PPARGC1A: variants seen among roughly 807,000 people sequenced by gnomAD.
PPARGC1A encodes peroxisome proliferator-activated receptor gamma coactivator 1-alpha.
A neutral mutation model predicts 88.7 loss-of-function variants in PPARGC1A; 25 were observed. The observed-to-expected ratio is 0.28, with a 90% CI of 0.21 to 0.39. PPARGC1A has a LOEUF of 0.39. PPARGC1A is among the 10% of genes least tolerant of loss of function. The pLI is 1.00. For missense variants in PPARGC1A, 880 were observed against 968.7 expected, an observed-to-expected ratio of 0.91 and a Z score of 1.22; for synonymous variants, 363 against 355.6, an observed-to-expected ratio of 1.02 and a Z score of -0.24.
At chr4:24,369,050 G>C in the PPARGC1A span, among the ~76,000 whole-genome samples, 2 of 152,110 alleles carry the variant, frequency 1.3e-5, no homozygotes, top group African/African-American at 4.8e-5. Flanking sequence ...ATTTCAGAAG[G>C]GGACTGAAGC....
chr4:24,320,770 C>T, the PPARGC1A span, among the ~76,000 whole-genome samples: 3 of 152,266 alleles, frequency 2.0e-5, no homozygotes, highest in East Asian at 1.9e-4. Flanking sequence ...CTTACAGATT[C>T]GATTCACGAG....
chr4:24,085,564 T>C, the PPARGC1A span, among the ~76,000 whole-genome samples: 1 of 152,184 alleles, frequency 6.6e-6, no homozygotes, highest in African/African-American at 2.4e-5. Context: ...ATGTACTGCC[T>C]CTATTGAGAG....
rs1389767066 is a variant in PPARGC1A at position 23,824,515 on chromosome 4, A to G, written c.758-7T>C. ...GATAAAGTTGTTGGTTTGGCTAAAGAAAAAAAAAAGAAACTAATTATGTAA... is the reference window on the plus strand; with the variant it reads ...GATAAAGTTGTTGGTTTGGCTAAAGGAAAAAAAAAGAAACTAATTATGTAA... On this transcript the variant is annotated splice_region_variant and splice_polypyrimidine_tract_variant and intron_variant, in intron 5 of 12. Coordinates refer to ENST00000264867, the MANE Select transcript of PPARGC1A (RefSeq NM_013261.5). 1 of 1,495,010 alleles carries G rather than the reference A, an allele frequency of 6.7e-7. No homozygotes were observed. The highest frequency in any genetic ancestry group is 2.3e-5 in the East Asian group (1 of 43,062). The allele number at this position is 1,495,010 out of a possible 1,614,324, so 92.6% of individuals were successfully genotyped here.
chr4:24,248,098 A>G, the PPARGC1A span, among the ~76,000 whole-genome samples: 1 of 152,120 alleles, frequency 6.6e-6, no homozygotes, highest in Non-Finnish European at 1.5e-5. Flanking sequence ...CCAAAACCCA[A>G]GAGAACCCTG....
chr4:24,200,655 C>CA, the PPARGC1A span, among the ~76,000 whole-genome samples: 91 of 88,354 alleles, frequency 1.0e-3, 6 homozygotes, highest in Non-Finnish European at 1.4e-3. Flanking sequence ...ATTTATTAAG[C>CA]AAAAAAAAAA....
At chr4:24,370,845 T>C in the PPARGC1A span, among the ~76,000 whole-genome samples, 1 of 144,656 alleles carries the variant, frequency 6.9e-6, no homozygotes, top group Admixed American at 7.1e-5. Context: ...ACATGCACCA[T>C]GGTGGTTTGC....
chr4:24,245,727 C>A, the PPARGC1A span, among the ~76,000 whole-genome samples: 1 of 152,286 alleles, frequency 6.6e-6, no homozygotes, highest in African/African-American at 2.4e-5. Flanking sequence ...AATACAGCTG[C>A]TAGACAATGG....
chr4:24,207,494 G>A, the PPARGC1A span, among the ~76,000 whole-genome samples: 1 of 152,148 alleles, frequency 6.6e-6, no homozygotes, highest in South Asian at 2.1e-4. Context: ...ATGTAAAGAG[G>A]CAGATCATCA....
the PPARGC1A span, among the ~76,000 whole-genome samples, chr4:24,066,849 G>GTTTTTTTTTTTTTTTTTTTTTTTTTTTT: frequency 9.9e-6 from 1 of 100,880 alleles, no homozygotes; most frequent in Non-Finnish European, 1.9e-5. Flanking sequence ...TTTGTTTTGG[G>GTTTTTTTTTTTTTTTTTTTTTTTTTTTT]TTTTTTTTTT....
chr4:23,986,898 C>T, the PPARGC1A span, among the ~76,000 whole-genome samples: 1 of 152,076 alleles, frequency 6.6e-6, no homozygotes, highest in African/African-American at 2.4e-5. Context: ...CAGACATCAG[C>T]AGGAATATCA....
At chr4:24,017,186 A>G in the PPARGC1A span, among the ~76,000 whole-genome samples, 2 of 152,178 alleles carry the variant, frequency 1.3e-5, no homozygotes, top group African/African-American at 4.8e-5. Flanking sequence ...AGACAGTCCA[A>G]TGCATTATGT....
chr4:24,287,634 GCACACACACA>G, the PPARGC1A span, among the ~76,000 whole-genome samples: 1 of 142,052 alleles, frequency 7.0e-6, no homozygotes, highest in Non-Finnish European at 1.5e-5. Flanking sequence ...AACACCACAT[GCACACACACA>G]CACACACACA....
the PPARGC1A span, among the ~76,000 whole-genome samples, chr4:24,420,483 C>G: frequency 6.6e-6 from 1 of 152,158 alleles, no homozygotes; most frequent in South Asian, 2.1e-4. Context: ...AGTGTCTGTC[C>G]GATCGTATGC....
At chr4:24,099,236 G>A in the PPARGC1A span, among the ~76,000 whole-genome samples, 1 of 133,804 alleles carries the variant, frequency 7.5e-6, no homozygotes, top group African/African-American at 2.9e-5. Context: ...AGGGCTATAC[G>A]ATATATTTGA....
At chr4:24,054,318 A>AAC in the PPARGC1A span, among the ~76,000 whole-genome samples, 9 of 151,814 alleles carry the variant, frequency 5.9e-5, no homozygotes, top group Admixed American at 5.3e-4. Context: ...TAAAAAAAAA[A>AAC]AAAAAAAACA....
the PPARGC1A span, among the ~76,000 whole-genome samples, chr4:24,161,873 CAT>C: frequency 1.3e-4 from 19 of 151,998 alleles, no homozygotes; most frequent in Non-Finnish European, 1.8e-4. Context: ...ATGGCACACA[CAT>C]GTTTATAGCA....
At chr4:24,290,990 CCA>C in the PPARGC1A span, among the ~76,000 whole-genome samples, 3 of 152,172 alleles carry the variant, frequency 2.0e-5, no homozygotes, top group South Asian at 6.2e-4. Flanking sequence ...TCTACTTTCT[CCA>C]CCCTCCATTG....
chr4:23,984,898 A>G, the PPARGC1A span, among the ~76,000 whole-genome samples: 5 of 152,108 alleles, frequency 3.3e-5, no homozygotes, highest in Middle Eastern at 3.4e-3. Flanking sequence ...GTAGAGAGCA[A>G]TTTCCCCAGG....
At chr4:24,342,492 A>T in the PPARGC1A span, among the ~76,000 whole-genome samples, 1 of 149,972 alleles carries the variant, frequency 6.7e-6, no homozygotes, top group Non-Finnish European at 1.5e-5. Context: ...GCCTCCCACA[A>T]CTAAAATATA....
Sources: allele counts gnomAD v4.1 joint callset (sites outside exome capture counted in the v4.1 genomes callset), GRCh38; gene constraint gnomAD v4.1.1; transcripts MANE v1.5; gene names NCBI Gene and HGNC (gene_info 2026-07-23, HGNC 2026-07-21).